IL1RAPL1: variants seen among roughly 807,000 people sequenced by gnomAD.
IL1RAPL1 encodes interleukin 1 receptor accessory protein like 1, also known as interleukin-1 receptor accessory protein-like 1.
In IL1RAPL1, 3 loss-of-function variants were observed where a neutral mutation model predicts 48.4. That is an observed-to-expected ratio of 0.06 (90% CI 0.03 to 0.16). The LOEUF (loss-of-function observed/expected upper bound fraction) is 0.16, where lower values mean the gene tolerates loss of function less well. IL1RAPL1 is among the 10% of genes least tolerant of loss of function. The pLI, the probability that IL1RAPL1 is intolerant of heterozygous loss-of-function variation, is 1.00. For synonymous variants in IL1RAPL1, 185 were observed against 187.7 expected, an observed-to-expected ratio of 0.99 and a Z score of 0.12; for missense variants, 349 against 530.6, an observed-to-expected ratio of 0.66 and a Z score of 3.36.
At chrX:29,699,547 G>A (rs1343561680) in intron 6 of IL1RAPL1, among the ~76,000 whole-genome samples, 1 of 112,272 alleles carries the variant, frequency 8.9e-6, no homozygotes, top group East Asian at 2.8e-4. Context: ...CAAGTACTTA[G>A]CAGAAAATTT....
intron 1 of IL1RAPL1, among the ~76,000 whole-genome samples, chrX:28,760,538 A>T (rs758134722): frequency 4.5e-5 from 5 of 111,996 alleles, no homozygotes; most frequent in South Asian, 3.7e-4. Context: ...GCCCATATGG[A>T]TGGGTCTCAA....
chrX:29,081,602 T>C (rs1927845823), intron 2 of IL1RAPL1, among the ~76,000 whole-genome samples: 1 of 112,076 alleles, frequency 8.9e-6, no homozygotes, highest in African/African-American at 3.2e-5. Context: ...GCAAGGATGT[T>C]AGAAACATAT....
rs868787700 is a variant in IL1RAPL1, at chrX:29,333,558, T to C, written c.362+50341T>C. On this transcript the variant is annotated intron_variant, in intron 3 of 10. Coordinates refer to ENST00000378993, the MANE Select transcript of IL1RAPL1 (RefSeq NM_014271.4). ...CTGATCCCCCCACCTCCCTCCAGGATGGGGCGGCTGGCCAGGCGGGGGGCT... is the reference window on the plus strand; with the variant it reads ...CTGATCCCCCCACCTCCCTCCAGGACGGGGCGGCTGGCCAGGCGGGGGGCT... 1.5e-3 allele frequency among the ~76,000 whole-genome samples: 123 copies of C among 83,486 alleles called. 6 individuals are homozygous for C. Among genetic ancestry groups the C allele is most frequent in the African/African-American group, 6.9e-3 (119 of 17,137 alleles). 72.5% of individuals were successfully genotyped at this position (83,486 alleles called of 115,157 possible).
chrX:29,379,953 C>G (rs1933673813), intron 3 of IL1RAPL1, among the ~76,000 whole-genome samples: 1 of 110,188 alleles, frequency 9.1e-6, no homozygotes, highest in African/African-American at 3.3e-5. Flanking sequence ...AACCACTATT[C>G]TACTCTTTAC....
rs770012891 is a variant in IL1RAPL1, at chrX:28,641,147, G to A, written c.-25+53100G>A. On this transcript the variant is annotated intron_variant, in intron 1 of 10. Transcript: ENST00000378993. The stretch of plus-strand genomic sequence containing the variant: ...TCTTACATAGGTATACACATGCCGT[G>A]GTGGTTTGCTGCACCCGTCAACCTG... Among the ~76,000 whole-genome samples, 6 of 109,114 alleles carry A rather than the reference G, an allele frequency of 5.5e-5. No individual in the cohort carries two copies. In the South Asian group the frequency reaches 2.5e-3, roughly 45 times the overall value. 94.8% of individuals were successfully genotyped at this position (109,114 alleles called of 115,157 possible).
intron 1 of IL1RAPL1, among the ~76,000 whole-genome samples, chrX:28,703,369 T>TTGA (rs753746879): frequency 1.7e-3 from 193 of 111,622 alleles, no homozygotes; most frequent in Non-Finnish European, 3.0e-3. Context: ...TAGATGATTA[T>TTGA]TGATGATGAT....
Position 28,908,996 on chromosome X carries a change from A to C in IL1RAPL1, c.82+119571A>C, listed in dbSNP as rs1472724837. The stretch of plus-strand genomic sequence containing the variant: ...GAGGTCTACTTTATCTGACATTGAT[A>C]TGGCTATTCCAGCTGTTTTTTTAAA... On this transcript the variant is annotated intron_variant, in intron 2 of 10. Coordinates refer to ENST00000378993, the MANE Select transcript of IL1RAPL1 (RefSeq NM_014271.4). Among the ~76,000 whole-genome samples the C allele has an allele frequency of 3.6e-5, 4 of 111,512 alleles. No homozygotes were observed. The Admixed American group carries it at 3.8e-4, about 11-fold the overall frequency.
chrX:28,679,998 T>G (rs1935040608), intron 1 of IL1RAPL1, among the ~76,000 whole-genome samples: 1 of 111,821 alleles, frequency 8.9e-6, no homozygotes, highest in South Asian at 3.7e-4. Context: ...AGAATGCCAT[T>G]AGGATTTAGA....
At chrX:29,428,329 G>A (rs932704021) in intron 5 of IL1RAPL1, among the ~76,000 whole-genome samples, 3 of 111,512 alleles carry the variant, frequency 2.7e-5, no homozygotes, top group Non-Finnish European at 3.8e-5. Context: ...GGATTGCACC[G>A]GATAGTGTGA....
At chrX:29,274,847 C>G (rs1932094781) in intron 2 of IL1RAPL1, among the ~76,000 whole-genome samples, 2 of 111,432 alleles carry the variant, frequency 1.8e-5, no homozygotes, top group Non-Finnish European at 3.8e-5. Flanking sequence ...GATTTGAAAT[C>G]TCAGAGTCAT....
chrX:29,519,864 C>T (rs767859958), intron 5 of IL1RAPL1, among the ~76,000 whole-genome samples: 48 of 111,634 alleles, frequency 4.3e-4, no homozygotes, highest in Admixed American at 1.3e-3. Flanking sequence ...GGTTGATTCC[C>T]GGTTGCTCAC....
At chrX:29,810,352 G>A (rs558791890) in intron 6 of IL1RAPL1, among the ~76,000 whole-genome samples, 2 of 109,654 alleles carry the variant, frequency 1.8e-5, no homozygotes, top group Admixed American at 2.0e-4. Context: ...ACCACGCCTG[G>A]TTAATTTTTT....
chrX:29,940,230 T>C (rs998156197), intron 8 of IL1RAPL1, among the ~76,000 whole-genome samples: 2 of 110,757 alleles, frequency 1.8e-5, no homozygotes, highest in Non-Finnish European at 3.8e-5. Flanking sequence ...ACATACACAA[T>C]GTTCTTGTAA....
chrX:29,285,524 CAAAAAAAAAAAAA>C (rs778913919), intron 3 of IL1RAPL1, among the ~76,000 whole-genome samples: 14 of 11,580 alleles, frequency 1.2e-3, no homozygotes, highest in East Asian at 4.4e-3. Flanking sequence ...AACTCCGTCT[CAAAAAAAAAAAAA>C]AAAAAAAAAA....
chrX:29,281,806 T>C lies in IL1RAPL1; in HGVS notation c.83-1132T>C, dbSNP rs147955616. Among the ~76,000 whole-genome samples, 464 of 112,117 alleles carry C rather than the reference T, an allele frequency of 4.1e-3. 2 individuals carry two copies. The highest frequency in any genetic ancestry group is 0.014 in the African/African-American group (444 of 30,885). On this transcript the variant is annotated intron_variant, in intron 2 of 10. Coordinates refer to ENST00000378993, the MANE Select transcript of IL1RAPL1 (RefSeq NM_014271.4). ...TGGCTAGCATAAAAGAAAGATGTAT[T>C]AGTTTGCTCAGGCTGCCGTAACAAA...
At chrX:28,789,466 T>C (rs773885635) in intron 2 of IL1RAPL1, 41 bp downstream of exon 2, 1 of 970,637 alleles carries the variant, frequency 1.0e-6, no homozygotes, top group Non-Finnish European at 1.5e-6. Flanking sequence ...TTTTATAGCT[T>C]AAAGTGATAG....
intron 3 of IL1RAPL1, among the ~76,000 whole-genome samples, chrX:29,343,450 A>G (rs1402803636): frequency 9.0e-6 from 1 of 111,100 alleles, no homozygotes; most frequent in Non-Finnish European, 1.9e-5. Context: ...GCTAATGTAG[A>G]TGAGTCTTTT....
chrX:29,655,730 G>C (rs1925660065), intron 5 of IL1RAPL1, among the ~76,000 whole-genome samples: 1 of 108,470 alleles, frequency 9.2e-6, no homozygotes, highest in South Asian at 4.0e-4. Flanking sequence ...AATTAGAAGA[G>C]GTAGGTTTGA....
At chrX:28,744,095 C>T (rs1935943147) in intron 1 of IL1RAPL1, among the ~76,000 whole-genome samples, 1 of 110,447 alleles carries the variant, frequency 9.1e-6, no homozygotes, top group African/African-American at 3.3e-5. Context: ...TTCTGCCTTC[C>T]TTTCTGTCCT....
Sources: allele counts gnomAD v4.1 joint callset (sites outside exome capture counted in the v4.1 genomes callset), GRCh38; gene constraint gnomAD v4.1.1; transcripts MANE v1.5; gene names NCBI Gene and HGNC (gene_info 2026-07-23, HGNC 2026-07-21).